Variants in MARCHF1 observed in about 807,000 individuals in gnomAD.
The protein encoded by MARCHF1 is membrane associated ring-CH-type finger 1.
A neutral mutation model predicts 54.2 loss-of-function variants in MARCHF1; 40 were observed. The observed-to-expected ratio is 0.74, with a 90% confidence interval of 0.57 to 0.96. The LOEUF (loss-of-function observed/expected upper bound fraction) is 0.96, where lower values mean the gene tolerates loss of function less well. MARCHF1 is among the 40% of genes least tolerant of loss of function. The pLI, the probability that MARCHF1 is intolerant of heterozygous loss-of-function variation, is 0.00. For synonymous variants in MARCHF1, 236 were observed against 236.3 expected, an observed-to-expected ratio of 1.00 and a Z score of 0.01; for missense variants, 586 against 656.5, an observed-to-expected ratio of 0.89 and a Z score of 1.17.
intron 2 of MARCHF1, among the ~76,000 whole-genome samples, chr4:164,103,167 G>C (rs1295066365): frequency 3.6e-5 from 2 of 54,998 alleles, no homozygotes; most frequent in South Asian, 6.1e-4. Context: ...TTAATAATGG[G>C]AGACTTTAAC....
At chr4:163,941,964 C>T (rs1350886249) in intron 3 of MARCHF1, among the ~76,000 whole-genome samples, 1 of 152,096 alleles carries the variant, frequency 6.6e-6, no homozygotes, top group Non-Finnish European at 1.5e-5. Flanking sequence ...AAAGAACTTT[C>T]TTCTCTGTGT....
intron 1 of MARCHF1, among the ~76,000 whole-genome samples, chr4:164,333,172 A>AC (rs1240162241): frequency 6.6e-6 from 1 of 152,172 alleles, no homozygotes; most frequent in African/African-American, 2.4e-5. Flanking sequence ...TGTCCTCTCC[A>AC]CATGTGTTTC....
intron 4 of MARCHF1, among the ~76,000 whole-genome samples, chr4:163,733,404 T>A (rs1745938467): frequency 6.8e-6 from 1 of 145,986 alleles, no homozygotes; most frequent in Non-Finnish European, 1.5e-5. Flanking sequence ...ATGGTTACTA[T>A]TTTTAAGGGA....
intron 4 of MARCHF1, among the ~76,000 whole-genome samples, chr4:163,781,134 T>C (rs1747454863): frequency 6.6e-6 from 1 of 152,080 alleles, no homozygotes; most frequent in Admixed American, 6.5e-5. Context: ...GTGGATCACT[T>C]GAGGTCAGGA....
chr4:163,657,255 T>C (rs116611207), intron 5 of MARCHF1, among the ~76,000 whole-genome samples: 15,947 of 151,928 alleles, frequency 0.1, 903 homozygotes, highest in African/African-American at 0.14. Flanking sequence ...ACCATTACTA[T>C]ACACCAACAA....
At chr4:163,634,066 AG>A (rs1398043899) in intron 5 of MARCHF1, among the ~76,000 whole-genome samples, 3 of 152,202 alleles carry the variant, frequency 2.0e-5, no homozygotes, top group Non-Finnish European at 4.4e-5. Flanking sequence ...TGTCACCACC[AG>A]GCCTGCCCTA....
chr4:164,116,333 C>A (rs1040678556), intron 1 of MARCHF1, among the ~76,000 whole-genome samples: 1 of 152,124 alleles, frequency 6.6e-6, no homozygotes, highest in Non-Finnish European at 1.5e-5. Flanking sequence ...CATTTTAGGG[C>A]AGGAGTCTGC....
intron 2 of MARCHF1, among the ~76,000 whole-genome samples, chr4:164,108,035 T>G (rs910313999): frequency 2.0e-5 from 3 of 152,158 alleles, no homozygotes; most frequent in African/African-American, 7.2e-5. Context: ...TTTGACATAA[T>G]CTTTGATTTG....
chr4:164,100,388 T>A (rs1475748227), intron 2 of MARCHF1, among the ~76,000 whole-genome samples: 1 of 152,242 alleles, frequency 6.6e-6, no homozygotes, highest in Non-Finnish European at 1.5e-5. Flanking sequence ...CATATCCAAC[T>A]TTTAGATAGC....
At chr4:163,598,488 T>C (rs1740843701) in intron 7 of MARCHF1, among the ~76,000 whole-genome samples, 1 of 152,246 alleles carries the variant, frequency 6.6e-6, no homozygotes, top group South Asian at 2.1e-4. Context: ...TGGTGTAGCC[T>C]ACTCCACACC....
intron 2 of MARCHF1, among the ~76,000 whole-genome samples, chr4:164,083,289 G>GTT (rs36098843): frequency 5.1e-4 from 77 of 150,692 alleles, no homozygotes; most frequent in Non-Finnish European, 9.6e-4. Flanking sequence ...TTACTGAAAG[G>GTT]TTTTTTTTTC....
In MARCHF1 at chr4:163,953,300, T is replaced by C. The variant is rs76206600; in HGVS notation, c.-39+35201A>G. ...ATATTTCAGGATTTGGCGTCAGACT[T>C]GGATTATTTCTACCCACTTTCTTGC... On this transcript the variant is annotated intron_variant, in intron 3 of 9. Coordinates refer to ENST00000514618, the MANE Select transcript of MARCHF1 (RefSeq NM_001394959.1). 3.5e-3 allele frequency among the ~76,000 whole-genome samples: 527 copies of C among 152,326 alleles called. 6 individuals are homozygous for C. The highest frequency in any genetic ancestry group is 0.012 in the African/African-American group (482 of 41,578).
rs868514760 is a variant in MARCHF1 at position 164,176,941 on chromosome 4, G to A, written c.-322-65279C>T. The stretch of plus-strand genomic sequence containing the variant: ...TGTTATTTATCTGAGTACCTTGTGC[G>A]CTCTCTCTCTCTCTCTCTCTCTCTC... On this transcript the variant is annotated intron_variant, in intron 1 of 9. Coordinates refer to ENST00000514618, the MANE Select transcript of MARCHF1 (RefSeq NM_001394959.1). Among the ~76,000 whole-genome samples, 172 of 58,162 alleles carry A rather than the reference G, an allele frequency of 3.0e-3. 1 individual carries two copies. The highest frequency in any genetic ancestry group is 7.1e-3 in the African/African-American group (161 of 22,612). 38.2% of individuals were successfully genotyped at this position (58,162 alleles called of 152,430 possible).
At chr4:163,632,190 T>C (rs1428772430) in intron 5 of MARCHF1, among the ~76,000 whole-genome samples, 3 of 152,152 alleles carry the variant, frequency 2.0e-5, no homozygotes, top group Non-Finnish European at 2.9e-5. Context: ...CTCTATGATA[T>C]GGTTTGAATA....
At chr4:163,586,840 A>G (rs566585496) in intron 7 of MARCHF1, among the ~76,000 whole-genome samples, 5 of 152,348 alleles carry the variant, frequency 3.3e-5, no homozygotes, top group Non-Finnish European at 5.9e-5. Flanking sequence ...ATTCTCAAAA[A>G]TTTTAAAGTA....
intron 2 of MARCHF1, among the ~76,000 whole-genome samples, chr4:164,007,785 C>T (rs1396259741): frequency 1.3e-5 from 2 of 151,672 alleles, no homozygotes; most frequent in Non-Finnish European, 2.9e-5. Flanking sequence ...ATTTTTGTAA[C>T]CCTTGTGGTA....
At chr4:163,800,668 A>G (rs1226328638) in intron 4 of MARCHF1, among the ~76,000 whole-genome samples, 3 of 152,110 alleles carry the variant, frequency 2.0e-5, no homozygotes, top group Admixed American at 1.3e-4. Context: ...GAAACAACAA[A>G]GTATCATCTG....
Position 163,550,490 on chromosome 4 carries a change from T to C in MARCHF1, c.1192-4747A>G, listed in dbSNP as rs531019968. 9.8e-5 allele frequency among the ~76,000 whole-genome samples: 14 copies of C among 143,034 alleles called. 1 individual carries two copies. In the South Asian group the frequency reaches 2.1e-3, roughly 21 times the overall value. The allele number at this position is 143,034 out of a possible 152,430, so 93.8% of individuals were successfully genotyped here. A position where few individuals can be genotyped will look rare whatever the true frequency, so the allele number is the denominator to read the frequency against. Reference sequence around the variant, plus strand: ...ACCAGGTGGCGCCAGGCCCAAACAGTAGCTAGTACGGTAGCCCTTTTTTTT... The same window carrying C: ...ACCAGGTGGCGCCAGGCCCAAACAGCAGCTAGTACGGTAGCCCTTTTTTTT... On this transcript the variant is annotated intron_variant, in intron 8 of 9. Transcript: ENST00000514618.
At chr4:163,881,011 T>C (rs1750403599) in intron 3 of MARCHF1, among the ~76,000 whole-genome samples, 1 of 152,152 alleles carries the variant, frequency 6.6e-6, no homozygotes, top group Non-Finnish European at 1.5e-5. Context: ...AAATTAGGAA[T>C]AGGGATAAAG....
Sources: gnomAD v4.1 joint callset for allele counts (sites outside exome capture counted in the v4.1 genomes callset) on GRCh38, gnomAD v4.1.1 for gene constraint, MANE v1.5 for transcripts, NCBI Gene and HGNC (gene_info 2026-07-23, HGNC 2026-07-21) for gene names.